Variants in CCDC27 observed in about 807,000 individuals in gnomAD.
The protein encoded by CCDC27 is coiled-coil domain containing 27, also known as coiled-coil domain-containing protein 27.
Under a neutral mutation model 80.3 loss-of-function variants are expected in CCDC27, and 80 were observed. The ratio of observed to expected loss-of-function variants is 1.00; its 90% CI spans 0.83 to 1.20. CCDC27 has a LOEUF of 1.20. Among genes scored for constraint, CCDC27 ranks in the 50% most tolerant of loss-of-function variants. CCDC27 has a pLI of 0.00. For missense variants in CCDC27, 815 were observed against 809.4 expected (o/e 1.01, Z -0.08); for synonymous variants, 342 against 334.3 (o/e 1.02, Z -0.25).
chr1:3,761,440 C>T lies in CCDC27; in HGVS notation c.861+10C>T, dbSNP rs1570709247. Reference sequence around the variant, plus strand: ...GTCCCCAGGCAGGAGGGTGAGCCAGCCCCAGCGGGGCACAGCGCAGAGCTC... The same window carrying T: ...GTCCCCAGGCAGGAGGGTGAGCCAGTCCCAGCGGGGCACAGCGCAGAGCTC... On this transcript the variant is annotated intron_variant, in intron 5 of 11. Coordinates refer to ENST00000294600, the MANE Select transcript of CCDC27 (RefSeq NM_152492.3). This position sits in a 1 kb window ranked among gnomAD's most constrained non-coding sequence, Gnocchi z 5.0. 6.2e-7 allele frequency: 1 copy of T among 1,613,020 alleles called. No homozygotes were observed. Among genetic ancestry groups the T allele is most frequent in the Admixed American group, 1.7e-5 (1 of 59,960 alleles).
rs774288767 is a variant in CCDC27, at chr1:3,761,093, G to C, written c.712-188G>C. Among the ~76,000 whole-genome samples, 13 of 152,222 alleles carry C rather than the reference G, an allele frequency of 8.5e-5. No homozygotes were observed. The highest frequency in any genetic ancestry group is 1.5e-4 in the Non-Finnish European group (10 of 68,042). On this transcript the variant is annotated intron_variant, in intron 4 of 11. Coordinates refer to ENST00000294600, the MANE Select transcript of CCDC27 (RefSeq NM_152492.3). The surrounding 1 kb of genome is among the most constrained non-coding windows in gnomAD (Gnocchi z 5.0). ...CAGGCATGGCTGCAGTAAAGAGCTGGCACATCTTGATCTCCAGATGTGTAG... is the reference window on the plus strand; with the variant it reads ...CAGGCATGGCTGCAGTAAAGAGCTGCCACATCTTGATCTCCAGATGTGTAG...
In CCDC27 at chr1:3,752,870, A is replaced by G. The variant is rs535147964; in HGVS notation, c.318+71A>G. 8 of 1,488,448 alleles carry G rather than the reference A, an allele frequency of 5.4e-6. No individual in the cohort carries two copies. In the Admixed American group the frequency reaches 1.6e-4, roughly 30 times the overall value. The allele number at this position is 1,488,448 out of a possible 1,614,324, so 92.2% of individuals were successfully genotyped here. A position where few individuals can be genotyped will look rare whatever the true frequency, so the allele number is the denominator to read the frequency against. On this transcript the variant is annotated intron_variant, in intron 1 of 11. Coordinates refer to ENST00000294600, the MANE Select transcript of CCDC27 (RefSeq NM_152492.3). ...TGTTTCTTCTCCTCCCCAAAGGCCC[A>G]TAGAGCTGTCAGCCCACAAAGCATT...
At chr1:3,767,710 G>A (rs937132601) in intron 10 of CCDC27, among the ~76,000 whole-genome samples, 3 of 152,266 alleles carry the variant, frequency 2.0e-5, no homozygotes, top group East Asian at 3.8e-4. Flanking sequence ...GCGGGTCTTG[G>A]GTTGCATTGT....
At position 3,766,513 on chromosome 1, in the gene CCDC27, C is replaced by T. The variant is rs1263640626; in HGVS notation, c.1453-22C>T. The stretch of plus-strand genomic sequence containing the variant: ...ATCTAAACCTGGGAGTCCCCCAAGC[C>T]AACCCTTCTGTCTCCTTCCAGTTCT... On this transcript the variant is annotated intron_variant, in intron 8 of 11. Coordinates refer to ENST00000294600, the MANE Select transcript of CCDC27 (RefSeq NM_152492.3). This position sits in a 1 kb window ranked among gnomAD's most constrained non-coding sequence, Gnocchi z 6.1. 1 of 1,594,094 alleles carries T rather than the reference C, an allele frequency of 6.3e-7. No homozygotes were observed. The highest frequency in any genetic ancestry group is 2.2e-5 in the East Asian group (1 of 44,682).
intron 2 of CCDC27, 71 bp from the exon 3 acceptor site, chr1:3,755,386 G>T: frequency 7.8e-7 from 1 of 1,278,902 alleles, no homozygotes; most frequent in Admixed American, 1.7e-5. Flanking sequence ...GGATAAATAA[G>T]AGTCTGCCCT....
At chr1:3,753,082 G>C (rs1642863929) in intron 1 of CCDC27, among the ~76,000 whole-genome samples, 1 of 152,148 alleles carries the variant, frequency 6.6e-6, no homozygotes. Context: ...GCAGACCTTG[G>C]CTCCCGGTGT....
chr1:3,759,141 C>T (rs146128470), intron 4 of CCDC27, among the ~76,000 whole-genome samples: 1,802 of 151,706 alleles, frequency 0.012, 39 homozygotes, highest in African/African-American at 0.042. Context: ...CACTTGAATC[C>T]AGGAGGCGGA....
chr1:3,760,010 G>A lies in CCDC27; in HGVS notation c.712-1271G>A, dbSNP rs2124592732. Among the ~76,000 whole-genome samples the A allele has an allele frequency of 6.6e-6, 1 of 152,242 alleles. No individual in the cohort carries two copies. Among genetic ancestry groups the A allele is most frequent in the East Asian group, 1.9e-4 (1 of 5,178 alleles). On this transcript the variant is annotated intron_variant, in intron 4 of 11. Transcript: ENST00000294600. This position sits in a 1 kb window ranked among gnomAD's most constrained non-coding sequence, Gnocchi z 4.3. ...TTATCTCCTCTCTGCCTTCGTCTGG[G>A]CTGTCATAGATAAACTCTTCTCATT...
chr1:3,767,352 G>C lies in CCDC27; in HGVS notation c.1650G>C (p.Trp550Cys). 1 of 1,613,996 alleles carries C rather than the reference G, an allele frequency of 6.2e-7. No individual in the cohort carries two copies. Among genetic ancestry groups the C allele is most frequent in the Non-Finnish European group, 8.5e-7 (1 of 1,180,010 alleles). The change falls in exon 10 of 12, where the codon TGG (tryptophan) becomes TGC (cysteine). Residue 550 changes from tryptophan (W) to cysteine (C), a missense_variant. By Grantham distance (215) the Trp-to-Cys change is radical. Coordinates refer to ENST00000294600, the MANE Select transcript of CCDC27 (RefSeq NM_152492.3). ...TGGACCAGAACCACCTGCAGAGGTGGAAGCAGCTGCAGGAGGATTTGCAGA... is the reference window on the plus strand; with the variant it reads ...TGGACCAGAACCACCTGCAGAGGTGCAAGCAGCTGCAGGAGGATTTGCAGA... ...VELDQNHLQR[W>C]KQLQEDLQSK...
chr1:3,754,296 C>A, intron 2 of CCDC27, 55 bp downstream of exon 2: 1 of 1,514,744 alleles, frequency 6.6e-7, no homozygotes, highest in Non-Finnish European at 8.8e-7. Flanking sequence ...GTCGAGGGGC[C>A]GGGGGAGGCC....
In CCDC27 at chr1:3,752,861, CA is replaced by C; in HGVS notation, c.318+65del. The C allele has an allele frequency of 2.0e-6, 3 of 1,519,264 alleles. No individual in the cohort carries two copies. In the South Asian group the frequency reaches 3.7e-5, roughly 19 times the overall value. 94.1% of individuals were successfully genotyped at this position (1,519,264 alleles called of 1,614,324 possible). On this transcript the variant is annotated intron_variant, in intron 1 of 11. Coordinates refer to ENST00000294600, the MANE Select transcript of CCDC27 (RefSeq NM_152492.3). ...GAGGTGACCTGTTTCTTCTCCTCCC[CA>C]AAGGCCCATAGAGCTGTCAGCCCAC...
In CCDC27 at chr1:3,769,695, T is replaced by TA. The variant is rs1009361758; in HGVS notation, c.1744-82dup. 9 of 873,712 alleles carry TA rather than the reference T, an allele frequency of 1.0e-5. No homozygotes were observed. Among genetic ancestry groups the TA allele is most frequent in the Non-Finnish European group, 1.8e-5 (9 of 509,054 alleles). The allele number at this position is 873,712 out of a possible 1,614,324, so 54.1% of individuals were successfully genotyped here. Reference sequence around the variant, plus strand: ...GGGTGAGCTGTTCCTTCCTGGTACATAAAAAATAAGGTGGTGGGGGGTGCA... The same window carrying TA: ...GGGTGAGCTGTTCCTTCCTGGTACATAAAAAAATAAGGTGGTGGGGGGTGCA... On this transcript the variant is annotated intron_variant, in intron 10 of 11. Transcript: ENST00000294600. The surrounding 1 kb of genome is among the most constrained non-coding windows in gnomAD (Gnocchi z 4.6).
rs1447207352 is a variant in CCDC27 at position 3,756,861 on chromosome 1, C to T, written c.682C>T (p.Pro228Ser). ...TCAGAGCTGCCTGAGAAAGAGGATG[C>T]CCTGGTACCTCTCAGTCATCCACGA... is the stretch of plus-strand genomic sequence containing the variant. ...ASQSCLRKRM[P>S]WYLSVIHEKD... Residue 228 changes from proline to serine, a missense_variant, in exon 4 of 12, where the codon CCC becomes TCC. By Grantham distance (74) the Pro-to-Ser change is moderately conservative. Transcript: ENST00000294600. 1 of 1,613,496 alleles carries T rather than the reference C, an allele frequency of 6.2e-7. No homozygotes were observed. Among genetic ancestry groups the T allele is most frequent in the East Asian group, 2.2e-5 (1 of 44,882 alleles).
rs1052600113 is a variant in CCDC27, at chr1:3,766,040, T to C, written c.1453-495T>C. Among the ~76,000 whole-genome samples the C allele has an allele frequency of 2.0e-5, 3 of 152,060 alleles. No individual in the cohort carries two copies. Among genetic ancestry groups the C allele is most frequent in the Non-Finnish European group, 2.9e-5 (2 of 68,020 alleles). ...GCACACCACCACACCCAACCAATGT[T>C]CTTATTTTTTGTAGAGATAGGATCT... On this transcript the variant is annotated intron_variant, in intron 8 of 11. Coordinates refer to ENST00000294600, the MANE Select transcript of CCDC27 (RefSeq NM_152492.3). This position sits in a 1 kb window ranked among gnomAD's most constrained non-coding sequence, Gnocchi z 6.1.
In CCDC27 at chr1:3,760,686, T is replaced by C. The variant is rs555167883; in HGVS notation, c.712-595T>C. 6.6e-5 allele frequency among the ~76,000 whole-genome samples: 10 copies of C among 152,350 alleles called. No homozygotes were observed. The South Asian group carries it at 1.9e-3, about 28-fold the overall frequency. The stretch of plus-strand genomic sequence containing the variant: ...TAGGGGACTTTCTAGTTATCTTTCC[T>C]TCCAGAATATTCTGTTGGGATCATT... On this transcript the variant is annotated intron_variant, in intron 4 of 11. Coordinates refer to ENST00000294600, the MANE Select transcript of CCDC27 (RefSeq NM_152492.3). The surrounding 1 kb of genome is among the most constrained non-coding windows in gnomAD (Gnocchi z 4.3).
chr1:3,762,921 G>A (rs1466325385), intron 6 of CCDC27, 187 bp from the exon 7 acceptor site: 3 of 828,884 alleles, frequency 3.6e-6, no homozygotes, highest in Admixed American at 3.0e-5. Context: ...GGGAGGACCC[G>A]TGACAGAGGC....
chr1:3,765,270 T>G (rs1263430522), intron 8 of CCDC27, among the ~76,000 whole-genome samples: 4 of 152,212 alleles, frequency 2.6e-5, no homozygotes, highest in Admixed American at 2.6e-4. Context: ...TGGAAAGTTG[T>G]AAGATCCTAT....
chr1:3,763,497 T>C lies in CCDC27; in HGVS notation c.1321+23T>C. ...CAGGTAGGGCCTCGGCGGGGGGCAC[T>C]GGGCTTTGGCCACTCAGTGGTTCCC... On this transcript the variant is annotated intron_variant, in intron 7 of 11. Transcript: ENST00000294600. This position sits in a 1 kb window ranked among gnomAD's most constrained non-coding sequence, Gnocchi z 7.5. 1.3e-6 allele frequency: 2 copies of C among 1,569,752 alleles called. No homozygotes were observed. Among genetic ancestry groups the C allele is most frequent in the Non-Finnish European group, 1.7e-6 (2 of 1,157,924 alleles).
chr1:3,766,965 C>T lies in CCDC27; in HGVS notation c.1531-268C>T, dbSNP rs530309350. Among the ~76,000 whole-genome samples the T allele has an allele frequency of 5.3e-5, 8 of 151,974 alleles. No homozygotes were observed. Among genetic ancestry groups the T allele is most frequent in the African/African-American group, 1.2e-4 (5 of 41,446 alleles). On this transcript the variant is annotated intron_variant, in intron 9 of 11. Coordinates refer to ENST00000294600, the MANE Select transcript of CCDC27 (RefSeq NM_152492.3). The surrounding 1 kb of genome is among the most constrained non-coding windows in gnomAD (Gnocchi z 6.1). ...AAGTGATTCTCCTGCCTCAGTCTCC[C>T]GAGTAGCTGGGACTACCAGCACTTG...
Sources: allele counts gnomAD v4.1 joint callset (sites outside exome capture counted in the v4.1 genomes callset), GRCh38; gene constraint gnomAD v4.1.1; non-coding constraint Gnocchi (gnomAD v3.1); transcripts MANE v1.5; gene names NCBI Gene and HGNC (gene_info 2026-07-23, HGNC 2026-07-21).